Variants in STRIP1 observed in about 807,000 individuals in gnomAD.
The protein encoded by STRIP1 is striatin-interacting protein 1.
STRIP1 carries 63 observed loss-of-function variants against 106.2 expected under a neutral mutation model. That is an observed-to-expected ratio of 0.59 (90% CI 0.48 to 0.73). The LOEUF (loss-of-function observed/expected upper bound fraction) is 0.73. Ranked by LOEUF, STRIP1 falls within the 30% of genes least tolerant of loss-of-function variation. The probability of loss-of-function intolerance (pLI) is 0.00; values close to 1 mark genes in which losing one functional copy is unlikely to be tolerated. For synonymous variants in STRIP1, 390 were observed against 413.0 expected (o/e 0.94, Z 0.67); for missense variants, 857 against 1,074.8 (o/e 0.80, Z 2.83).
upstream of STRIP1, chr1:110,034,555 G>C: frequency 7.0e-7 from 1 of 1,429,946 alleles, no homozygotes; most frequent in Admixed American, 3.1e-5. Flanking sequence ...ATGGCGGCCA[G>C]GGAAATTTCC....
Position 110,037,898 on chromosome 1 carries a change from C to A in STRIP1, c.188C>A (p.Ser63Ter), listed in dbSNP as rs753224708. 1 of 1,609,166 alleles carries A rather than the reference C, an allele frequency of 6.2e-7. No homozygotes were observed. The highest frequency in any genetic ancestry group is 1.7e-5 in the Admixed American group (1 of 59,962). The stretch of plus-strand genomic sequence containing the variant: ...CTCTCCTCTTGTCAGCAGGGCTATT[C>A]GGAGTCACCAGACCTGGAGTTTGAG... Reference protein sequence around the residue: ...RNQRKDSEGYSESPDLEFEYA... With the variant: ...RNQRKDSEGY The change falls in exon 2 of 21, where the codon TCG becomes TAG. Residue 63 changes from serine to a stop codon, truncating the protein, a stop_gained. Coordinates refer to ENST00000369795, the MANE Select transcript of STRIP1 (RefSeq NM_033088.4). LOFTEE classifies it high-confidence loss of function.
intron 8 of STRIP1, 62 bp downstream of exon 8, chr1:110,041,923 T>G (rs1034401824): frequency 3.7e-5 from 55 of 1,504,772 alleles, no homozygotes; most frequent in Non-Finnish European, 4.5e-5. Flanking sequence ...AGACTGTTCC[T>G]TGAATATCCT....
At chr1:110,050,013 G>C in intron 17 of STRIP1, 1 of 383,708 alleles carries the variant, frequency 2.6e-6, no homozygotes, top group Non-Finnish European at 4.8e-6. Flanking sequence ...GCCAGACCCT[G>C]TCTCCAGAAA....
Position 110,047,744 on chromosome 1 carries a change from C to T in STRIP1, c.1564-28C>T, listed in dbSNP as rs780647978. ...TAATTTTGACCCTGGGCTCTCAGAC[C>T]TGTGTCTGAATGGTCTACTCTTCCC... is the stretch of plus-strand genomic sequence containing the variant. On this transcript the variant is annotated intron_variant, in intron 14 of 20. Transcript: ENST00000369795. 4.5e-6 allele frequency: 7 copies of T among 1,548,456 alleles called. No individual in the cohort carries two copies. In the Admixed American group the frequency reaches 1.2e-4, roughly 26 times the overall value.
At chr1:110,041,899 G>C in intron 8 of STRIP1, 38 bp downstream of exon 8, 1 of 1,602,962 alleles carries the variant, frequency 6.2e-7, no homozygotes, top group South Asian at 1.1e-5. Flanking sequence ...GGTGCTATGG[G>C]ATGGGCAGTA....
chr1:110,037,683 C>T (rs1326233626), intron 1 of STRIP1, among the ~76,000 whole-genome samples: 1 of 152,040 alleles, frequency 6.6e-6, no homozygotes, highest in Non-Finnish European at 1.5e-5. Context: ...GAAAGGCAGA[C>T]AGTAAACACA....
rs1450791419 is a variant in STRIP1 at position 110,034,695 on chromosome 1, C to T, written c.58C>T (p.Pro20Ser). 1.3e-6 allele frequency: 2 copies of T among 1,514,778 alleles called. No individual in the cohort carries two copies. Among genetic ancestry groups the T allele is most frequent in the African/African-American group, 1.4e-5 (1 of 69,046 alleles). 93.8% of individuals were successfully genotyped at this position (1,514,778 alleles called of 1,614,324 possible). Residue 20 changes from proline (P) to serine (S), a missense_variant, in exon 1 of 21, where the codon CCC becomes TCC. Physicochemically the swap from Pro to Ser is moderately conservative, Grantham distance 74 (BLOSUM62 -1). Transcript: ENST00000369795. ...GATCGTGAACAACAAACAGCCCCAG[C>T]CCCCGCCACCTCCGCCGCCGGCAGC... ...PLIVNNKQPQ[P>S]PPPPPPAAAQ... is the part of the protein sequence containing the mutation.
chr1:110,040,118 G>A (rs1652684584), intron 5 of STRIP1, among the ~76,000 whole-genome samples: 1 of 152,216 alleles, frequency 6.6e-6, no homozygotes, highest in South Asian at 2.1e-4. Context: ...GTTAGAGCCA[G>A]GATTCAAACC....
chr1:110,045,780 T>A (rs1463490302), intron 12 of STRIP1, among the ~76,000 whole-genome samples: 1 of 152,034 alleles, frequency 6.6e-6, no homozygotes, highest in Non-Finnish European at 1.5e-5. Flanking sequence ...GAGAGCAGAC[T>A]CTCAGCAGGC....
At chr1:110,044,539 G>A (rs930206994) in intron 10 of STRIP1, among the ~76,000 whole-genome samples, 10 of 152,224 alleles carry the variant, frequency 6.6e-5, no homozygotes, top group African/African-American at 2.4e-4. Context: ...AAGAAAGTCT[G>A]TTGACAAACT....
chr1:110,051,915 G>C (rs1653320518), intron 20 of STRIP1, 28 bp downstream of exon 20: 17 of 1,608,692 alleles, frequency 1.1e-5, no homozygotes, highest in Non-Finnish European at 1.4e-5. Context: ...GCCAGATTTG[G>C]GTGGGAGTGT....
intron 19 of STRIP1, among the ~76,000 whole-genome samples, chr1:110,051,268 A>G (rs1653285825): frequency 2.0e-5 from 3 of 152,226 alleles, no homozygotes; most frequent in South Asian, 2.1e-4. Flanking sequence ...AAACAAATCT[A>G]CATTTATAGA....
Position 110,034,630 on chromosome 1 carries a change from C to G in STRIP1, c.-8C>G, listed in dbSNP as rs1652343432. The G allele has an allele frequency of 1.7e-5, 26 of 1,517,306 alleles. No homozygotes were observed. The highest frequency in any genetic ancestry group is 2.3e-5 in the Non-Finnish European group (26 of 1,133,884). 94.0% of individuals were successfully genotyped at this position (1,517,306 alleles called of 1,614,324 possible). ...CGCGAGTTAAGCTGGGGGTGTGGAG[C>G]AGCCAAGATGGAGCCGGCAGTCGGC... On this transcript the variant is annotated 5_prime_UTR_variant, in exon 1 of 21. Coordinates refer to ENST00000369795, the MANE Select transcript of STRIP1 (RefSeq NM_033088.4).
At position 110,041,691 on chromosome 1, in the gene STRIP1, G is replaced by A. The variant is rs567562522; in HGVS notation, c.758-43G>A. On this transcript the variant is annotated intron_variant, in intron 7 of 20. Coordinates refer to ENST00000369795, the MANE Select transcript of STRIP1 (RefSeq NM_033088.4). The stretch of plus-strand genomic sequence containing the variant: ...AGAGGCCCTGCCTGGAAGCTGAGGC[G>A]GAAGGCTTTGGGAGGGTCCTGATAC... The A allele has an allele frequency of 2.2e-4, 349 of 1,614,128 alleles. 9 individuals carry two copies. The South Asian group carries it at 3.4e-3, about 16-fold the overall frequency.
intron 13 of STRIP1, 52 bp downstream of exon 13, chr1:110,046,803 G>A (rs1194884905): frequency 2.8e-6 from 4 of 1,423,464 alleles, no homozygotes; most frequent in Non-Finnish European, 4.0e-6. Flanking sequence ...TGTAATCCCA[G>A]CACTTTGGGA....
In STRIP1 at chr1:110,049,075, G is replaced by A. The variant is rs748249965; in HGVS notation, c.1662-37G>A. ...TGGGCACCTAGAAATGAGGTACTGC[G>A]CATGCTGGTGGCTTACCCAGGCAAT... is the stretch of plus-strand genomic sequence containing the variant. On this transcript the variant is annotated intron_variant, in intron 15 of 20. Coordinates refer to ENST00000369795, the MANE Select transcript of STRIP1 (RefSeq NM_033088.4). 67 of 1,613,462 alleles carry A rather than the reference G, an allele frequency of 4.2e-5. 1 individual carries two copies. The highest frequency in any genetic ancestry group is 4.0e-4 in the South Asian group (36 of 90,996).
In STRIP1 at chr1:110,051,060, GGTAA is replaced by G. The variant is rs755925023; in HGVS notation, c.2061+3_2061+6del. 6.3e-7 allele frequency: 1 copy of G among 1,583,804 alleles called. No individual in the cohort carries two copies. The highest frequency in any genetic ancestry group is 8.7e-7 in the Non-Finnish European group (1 of 1,152,322). ...CAAAGTGGAAGCATTCAAGGACAAT[GGTAA>G]GTGAGTCAGTGTAGTCAGCAGGCTT... On this transcript the variant is annotated splice_donor_variant and splice_donor_region_variant and intron_variant, in intron 19 of 20. Transcript: ENST00000369795. LOFTEE classifies it high-confidence loss of function.
intron 18 of STRIP1, 29 bp from the exon 19 acceptor site, chr1:110,050,927 G>A (rs111275100): frequency 1.5e-6 from 2 of 1,316,576 alleles, no homozygotes; most frequent in Admixed American, 3.4e-5. Flanking sequence ...CAGCCATGAG[G>A]GCTGATTGTT....
Position 110,043,896 on chromosome 1 carries a change from C to A in STRIP1, c.1286+40C>A, listed in dbSNP as rs1179188564. The A allele has an allele frequency of 2.5e-6, 4 of 1,575,350 alleles. No individual in the cohort carries two copies. In the East Asian group the frequency reaches 9.0e-5, roughly 35 times the overall value. ...TCCAGAGCACTCATAGTTCCTGAGG[C>A]AGAGCCCTCACACCCTCAGGCCTGC... On this transcript the variant is annotated intron_variant, in intron 10 of 20. Coordinates refer to ENST00000369795, the MANE Select transcript of STRIP1 (RefSeq NM_033088.4).
Sources: gnomAD v4.1 joint callset for allele counts (sites outside exome capture counted in the v4.1 genomes callset) on GRCh38, gnomAD v4.1.1 for gene constraint, MANE v1.5 for transcripts, NCBI Gene and HGNC (gene_info 2026-07-23, HGNC 2026-07-21) for gene names.